Variants in CDH13 observed in about 807,000 individuals in gnomAD.
CDH13 encodes the protein cadherin-13.
Under a neutral mutation model 63.8 loss-of-function variants are expected in CDH13, and 24 were observed. The ratio of observed to expected loss-of-function variants is 0.38; its 90% CI spans 0.27 to 0.53. The LOEUF is 0.53. CDH13 is among the 20% of genes least tolerant of loss of function. The pLI, the probability that CDH13 is intolerant of heterozygous loss-of-function variation, is 0.85. For synonymous variants in CDH13, 503 were observed against 355.3 expected (o/e 1.42, Z -4.67); for missense variants, 1,049 against 903.1 (o/e 1.16, Z -2.07).
At chr16:83,225,584 G>A (rs1182578700) in intron 5 of CDH13, among the ~76,000 whole-genome samples, 1 of 152,132 alleles carries the variant, frequency 6.6e-6, no homozygotes, top group Non-Finnish European at 1.5e-5. Flanking sequence ...TTAGCCTTGG[G>A]GTCGGCAGAA....
chr16:83,345,995 C>G (rs571466602), intron 6 of CDH13, among the ~76,000 whole-genome samples: 31 of 152,142 alleles, frequency 2.0e-4, no homozygotes, highest in Non-Finnish European at 3.4e-4. Flanking sequence ...CCATGGTAAC[C>G]TTCCCAGACA....
chr16:83,153,208 G>T (rs1319939280), intron 4 of CDH13, among the ~76,000 whole-genome samples: 1 of 152,128 alleles, frequency 6.6e-6, no homozygotes, highest in African/African-American at 2.4e-5. Flanking sequence ...GCAGTGAGTT[G>T]GGGAGTGCTG....
At chr16:83,151,943 C>CA (rs10645879) in intron 4 of CDH13, among the ~76,000 whole-genome samples, 14,352 of 98,632 alleles carry the variant, frequency 0.15, 763 homozygotes, top group African/African-American at 0.21. Flanking sequence ...GCCTGGGCAA[C>CA]AAAAAAAAAA....
At chr16:83,709,869 A>C (rs1338512691) in intron 10 of CDH13, among the ~76,000 whole-genome samples, 2 of 152,210 alleles carry the variant, frequency 1.3e-5, no homozygotes, top group African/African-American at 4.8e-5. Context: ...TGTCTTTCTC[A>C]GTTCATTATT....
chr16:82,842,390 G>A (rs2039072700), intron 1 of CDH13, among the ~76,000 whole-genome samples: 1 of 151,246 alleles, frequency 6.6e-6, no homozygotes, highest in Non-Finnish European at 1.5e-5. Context: ...AAGTCCTTGG[G>A]AGTTCAAGGC....
At chr16:82,864,098 CT>C (rs1229005455) in intron 2 of CDH13, among the ~76,000 whole-genome samples, 1 of 152,192 alleles carries the variant, frequency 6.6e-6, no homozygotes, top group Non-Finnish European at 1.5e-5. Context: ...ACCAAATATT[CT>C]TATTTACTTC....
chr16:82,638,878 G>C (rs12444113), intron 1 of CDH13, among the ~76,000 whole-genome samples: 72,646 of 151,012 alleles, frequency 0.48, 17,976 homozygotes, highest in Non-Finnish European at 0.55. Flanking sequence ...CTTGTTTAAA[G>C]TACCTCCATG....
chr16:83,292,824 C>G (rs925090157), intron 5 of CDH13, among the ~76,000 whole-genome samples: 1 of 152,110 alleles, frequency 6.6e-6, no homozygotes, highest in Non-Finnish European at 1.5e-5. Context: ...TGTTTCTTTT[C>G]TCTTTACACT....
intron 6 of CDH13, among the ~76,000 whole-genome samples, chr16:83,442,419 A>G (rs747481643): frequency 6.6e-6 from 1 of 152,210 alleles, no homozygotes; most frequent in Non-Finnish European, 1.5e-5. Context: ...CCCATCATTA[A>G]AGAGCACAAA....
At chr16:83,237,254 G>T (rs1597573763) in intron 5 of CDH13, among the ~76,000 whole-genome samples, 1 of 152,196 alleles carries the variant, frequency 6.6e-6, no homozygotes, top group East Asian at 1.9e-4. Flanking sequence ...AGCTGAGTGG[G>T]CACCCACCCC....
chr16:83,497,599 C>T (rs577598132), intron 7 of CDH13, among the ~76,000 whole-genome samples: 2 of 151,884 alleles, frequency 1.3e-5, no homozygotes, highest in East Asian at 1.9e-4. Flanking sequence ...CAGCATGGCA[C>T]ATGTATACAT....
At chr16:83,786,054 C>G (rs1459876514) in intron 13 of CDH13, among the ~76,000 whole-genome samples, 1 of 152,150 alleles carries the variant, frequency 6.6e-6, no homozygotes, top group Non-Finnish European at 1.5e-5. Context: ...AACCTGGCAC[C>G]ATCCCTCCTC....
chr16:82,885,368 A>C (rs985001739), intron 2 of CDH13, among the ~76,000 whole-genome samples: 1 of 152,110 alleles, frequency 6.6e-6, no homozygotes, highest in Non-Finnish European at 1.5e-5. Context: ...TGACAGCTTC[A>C]TCCATCTATC....
chr16:83,547,404 C>G (rs1412408300), intron 7 of CDH13, among the ~76,000 whole-genome samples: 2 of 152,296 alleles, frequency 1.3e-5, no homozygotes, highest in East Asian at 3.9e-4. Flanking sequence ...TATTTTGTCA[C>G]CTGGGTACTA....
intron 1 of CDH13, among the ~76,000 whole-genome samples, chr16:82,635,171 C>G (rs934084955): frequency 3.3e-5 from 5 of 152,328 alleles, no homozygotes; most frequent in East Asian, 1.9e-4. Context: ...TTGTTCATTT[C>G]TATACTCCCA....
At chr16:82,719,287 G>A in intron 1 of CDH13, 1 of 446,558 alleles carries the variant, frequency 2.2e-6, no homozygotes, top group South Asian at 1.6e-5. Context: ...AGTCTATCTG[G>A]GACAGGTGGT....
chr16:82,908,329 A>G (rs1160188243), intron 2 of CDH13, among the ~76,000 whole-genome samples: 1 of 152,134 alleles, frequency 6.6e-6, no homozygotes, highest in Non-Finnish European at 1.5e-5. Flanking sequence ...ACCAAGTAGG[A>G]CCAGCTAGTA....
At chr16:82,805,178 T>A (rs1227073249) in intron 1 of CDH13, among the ~76,000 whole-genome samples, 2 of 152,290 alleles carry the variant, frequency 1.3e-5, no homozygotes, top group Admixed American at 1.3e-4. Context: ...CATGTGTCCT[T>A]CTCTCTAATA....
chr16:83,570,356 C>G (rs8056708), intron 7 of CDH13, among the ~76,000 whole-genome samples: 28,240 of 152,060 alleles, frequency 0.19, 2,642 homozygotes, highest in Admixed American at 0.24. Context: ...CACACCTGGT[C>G]TCTGATGACA....
Sources: gnomAD v4.1 joint callset for allele counts (sites outside exome capture counted in the v4.1 genomes callset) on GRCh38, gnomAD v4.1.1 for gene constraint, MANE v1.5 for transcripts, NCBI Gene and HGNC (gene_info 2026-07-23, HGNC 2026-07-21) for gene names.